DSCAM: variants seen among roughly 807,000 people sequenced by gnomAD.
DSCAM encodes the protein cell adhesion molecule DSCAM.
A neutral mutation model predicts 217.7 loss-of-function variants in DSCAM; 47 were observed. The ratio of observed to expected loss-of-function variants is 0.22; its 90% CI spans 0.17 to 0.28. DSCAM has a LOEUF of 0.28. Ranked by LOEUF, DSCAM falls within the 10% of genes least tolerant of loss-of-function variation. The pLI, the probability that DSCAM is intolerant of heterozygous loss-of-function variation, is 1.00. For missense variants in DSCAM, 2,080 were observed against 2,618.3 expected, an observed-to-expected ratio of 0.79 and a Z score of 4.49; for synonymous variants, 1,056 against 1,015.3, an observed-to-expected ratio of 1.04 and a Z score of -0.76.
chr21:40,393,037 G>T (rs1238896757), intron 3 of DSCAM, among the ~76,000 whole-genome samples: 2 of 152,224 alleles, frequency 1.3e-5, no homozygotes, highest in African/African-American at 4.8e-5. Context: ...TTGACATCAA[G>T]TGTAAGCCCA....
chr21:40,619,310 A>G (rs973163562), intron 3 of DSCAM, among the ~76,000 whole-genome samples: 3 of 152,188 alleles, frequency 2.0e-5, no homozygotes, highest in African/African-American at 7.2e-5. Context: ...TAATATTTAT[A>G]AAACAATTAT....
chr21:40,526,270 T>C (rs368580478), intron 3 of DSCAM, among the ~76,000 whole-genome samples: 132 of 152,266 alleles, frequency 8.7e-4, no homozygotes, highest in African/African-American at 2.5e-3. Context: ...CAGAACTTAG[T>C]TTTTTTCAGG....
chr21:40,807,479 C>T (rs576605126), intron 1 of DSCAM, among the ~76,000 whole-genome samples: 26 of 152,002 alleles, frequency 1.7e-4, no homozygotes, highest in African/African-American at 2.7e-4. Flanking sequence ...GGGTGGAGGG[C>T]GAGGGGGAGG....
chr21:40,306,431 T>C (rs1006256561), intron 9 of DSCAM, among the ~76,000 whole-genome samples: 10 of 150,212 alleles, frequency 6.7e-5, no homozygotes, highest in Admixed American at 2.0e-4. Flanking sequence ...GAATACCCTT[T>C]ATTTCCTTCT....
chr21:40,748,361 AC>A (rs1235456264), intron 1 of DSCAM, among the ~76,000 whole-genome samples: 1 of 152,050 alleles, frequency 6.6e-6, no homozygotes, highest in Non-Finnish European at 1.5e-5. Context: ...AAATATTAGA[AC>A]TAATAAATGA....
intron 1 of DSCAM, among the ~76,000 whole-genome samples, chr21:40,720,674 G>GA (rs66520372): frequency 0.054 from 7,497 of 139,358 alleles, 232 homozygotes; most frequent in African/African-American, 0.097. Flanking sequence ...AGACAGTACA[G>GA]AAAAAAAAAA....
At chr21:40,125,859 T>C (rs545698765) in intron 19 of DSCAM, among the ~76,000 whole-genome samples, 1 of 152,264 alleles carries the variant, frequency 6.6e-6, no homozygotes, top group East Asian at 1.9e-4. Context: ...CCTGGGGATT[T>C]TAATCCTAGT....
Position 40,819,139 on chromosome 21 carries a change from G to A in DSCAM, c.43+27480C>T, listed in dbSNP as rs536860345. On this transcript the variant is annotated intron_variant, in intron 1 of 32. Coordinates refer to ENST00000400454, the MANE Select transcript of DSCAM (RefSeq NM_001389.5). ...AGAAAATCTAACTGAGGAAAAACAC[G>A]GAACACAAAGCTGATTATTTTAGGA... Among the ~76,000 whole-genome samples the A allele has an allele frequency of 1.1e-4, 17 of 152,216 alleles. No homozygotes were observed. In the South Asian group the frequency reaches 2.3e-3, roughly 20 times the overall value.
intron 3 of DSCAM, among the ~76,000 whole-genome samples, chr21:40,474,344 G>C (rs543816800): frequency 1.3e-5 from 2 of 151,700 alleles, no homozygotes; most frequent in East Asian, 3.9e-4. Context: ...AAATACAAAG[G>C]CATATTCAGT....
In DSCAM at chr21:40,839,377, A is replaced by C. The variant is rs561122913; in HGVS notation, c.43+7242T>G. On this transcript the variant is annotated intron_variant, in intron 1 of 32. Coordinates refer to ENST00000400454, the MANE Select transcript of DSCAM (RefSeq NM_001389.5). Reference sequence around the variant, plus strand: ...TGTATGCAGATTTCACCCTCCTACTATTCTGCCGTGAAACATCTTTAAGAA... The same window carrying C: ...TGTATGCAGATTTCACCCTCCTACTCTTCTGCCGTGAAACATCTTTAAGAA... Among the ~76,000 whole-genome samples the C allele has an allele frequency of 3.0e-4, 46 of 152,320 alleles. 2 individuals carry two copies. Among genetic ancestry groups the C allele is most frequent in the African/African-American group, 9.1e-4 (38 of 41,580 alleles).
chr21:40,733,536 T>G (rs1355046660), intron 1 of DSCAM, among the ~76,000 whole-genome samples: 1 of 152,136 alleles, frequency 6.6e-6, no homozygotes, highest in Non-Finnish European at 1.5e-5. Flanking sequence ...GGACAGTCCC[T>G]CCCATTGAAG....
chr21:40,809,039 G>C (rs911847634), intron 1 of DSCAM, among the ~76,000 whole-genome samples: 11 of 152,072 alleles, frequency 7.2e-5, no homozygotes, highest in African/African-American at 1.9e-4. Flanking sequence ...AATCTTTGAT[G>C]CCCCTCTTCA....
At chr21:40,356,573 G>A (rs977875049) in intron 4 of DSCAM, among the ~76,000 whole-genome samples, 2 of 152,134 alleles carry the variant, frequency 1.3e-5, no homozygotes, top group African/African-American at 2.4e-5. Context: ...TGGGAGGGGT[G>A]TTTTTATGCA....
At chr21:40,756,967 A>C (rs7277880) in intron 1 of DSCAM, among the ~76,000 whole-genome samples, 3 of 151,364 alleles carry the variant, frequency 2.0e-5, no homozygotes. Context: ...AGATTGCCCA[A>C]CAAATGGTCG....
chr21:40,105,483 T>G (rs1281674454), intron 20 of DSCAM, among the ~76,000 whole-genome samples: 1 of 152,194 alleles, frequency 6.6e-6, no homozygotes, highest in African/African-American at 2.4e-5. Context: ...TCATGAGACC[T>G]GGCTTTATAA....
At chr21:40,755,401 A>G (rs1601217513) in intron 1 of DSCAM, among the ~76,000 whole-genome samples, 1 of 152,164 alleles carries the variant, frequency 6.6e-6, no homozygotes, top group Non-Finnish European at 1.5e-5. Flanking sequence ...AGCTGAGATC[A>G]TGTCATTGCA....
At chr21:40,186,975 G>C (rs2090901243) in intron 14 of DSCAM, among the ~76,000 whole-genome samples, 156 bp downstream of exon 14, 1 of 152,202 alleles carries the variant, frequency 6.6e-6, no homozygotes, top group Non-Finnish European at 1.5e-5. Context: ...ACAGCAGAAA[G>C]CCAGGATGTG....
chr21:40,443,375 C>T (rs2075648563), intron 3 of DSCAM, among the ~76,000 whole-genome samples: 1 of 152,122 alleles, frequency 6.6e-6, no homozygotes, highest in African/African-American at 2.4e-5. Flanking sequence ...TTTTGTATCT[C>T]ACAAAACTGT....
intron 3 of DSCAM, among the ~76,000 whole-genome samples, chr21:40,484,575 A>T (rs1486688556): frequency 2.0e-5 from 3 of 152,082 alleles, no homozygotes; most frequent in Non-Finnish European, 4.4e-5. Context: ...ATTTGTATGA[A>T]ACTCATGATT....
Sources: allele counts gnomAD v4.1 joint callset (sites outside exome capture counted in the v4.1 genomes callset), GRCh38; gene constraint gnomAD v4.1.1; transcripts MANE v1.5; gene names NCBI Gene and HGNC (gene_info 2026-07-23, HGNC 2026-07-21).